The following SVIL variants were observed in gnomAD, a reference collection of about 807,000 sequenced individuals.
SVIL encodes supervillin.
SVIL carries 101 observed loss-of-function variants against 240.4 expected under a neutral mutation model. That is an observed-to-expected ratio of 0.42 (90% CI 0.36 to 0.50). SVIL has a LOEUF of 0.50. Among genes scored for constraint, SVIL ranks in the 20% least tolerant of loss-of-function variants. The probability of loss-of-function intolerance (pLI) is 0.01; values close to 1 mark genes in which losing one functional copy is unlikely to be tolerated. For synonymous variants in SVIL, 999 were observed against 1,100.0 expected, an observed-to-expected ratio of 0.91 and a Z score of 1.82; for missense variants, 2,512 against 2,818.7, an observed-to-expected ratio of 0.89 and a Z score of 2.46.
chr10:29,555,046 C>G lies in SVIL; in HGVS notation c.8+5G>C, dbSNP rs763317728. 1.2e-6 allele frequency: 2 copies of G among 1,613,166 alleles called. No homozygotes were observed. The highest frequency in any genetic ancestry group is 1.7e-4 in the Middle Eastern group (1 of 6,048). On this transcript the variant is annotated splice_donor_5th_base_variant and intron_variant, in intron 4 of 37. Coordinates refer to ENST00000355867, the MANE Select transcript of SVIL (RefSeq NM_021738.3). ...ACTTCCTAACTCCCACTATAAAGAT[C>G]TTACCTTTTCATTTCTAAGAATTCT...
intron 3 of SVIL, among the ~76,000 whole-genome samples, chr10:29,645,910 G>A (rs1958639122): frequency 2.0e-5 from 3 of 152,182 alleles, no homozygotes; most frequent in African/African-American, 7.2e-5. Context: ...AAATAAATAA[G>A]CAAATACGTT....
At chr10:29,726,028 C>T (rs1461414930) in intron 1 of SVIL, among the ~76,000 whole-genome samples, 1 of 152,094 alleles carries the variant, frequency 6.6e-6, no homozygotes, top group Non-Finnish European at 1.5e-5. Flanking sequence ...CTTATGTGAT[C>T]CTCCCACTTC....
chr10:29,723,747 T>G (rs529085372), intron 1 of SVIL, among the ~76,000 whole-genome samples: 23 of 152,308 alleles, frequency 1.5e-4, no homozygotes, highest in African/African-American at 5.5e-4. Flanking sequence ...CTTTCCTTGT[T>G]TCTGCAACTC....
intron 2 of SVIL, among the ~76,000 whole-genome samples, chr10:29,671,625 C>T (rs558258126): frequency 6.6e-6 from 1 of 152,364 alleles, no homozygotes; most frequent in East Asian, 1.9e-4. Flanking sequence ...GTTTCTGCGT[C>T]TTTCCAGAAG....
intron 2 of SVIL, among the ~76,000 whole-genome samples, chr10:29,661,037 C>T (rs1959144338): frequency 6.6e-6 from 1 of 151,994 alleles, no homozygotes; most frequent in Non-Finnish European, 1.5e-5. Flanking sequence ...TGTGGTGGCA[C>T]ATGCCTGTAG....
Position 29,550,708 on chromosome 10 carries a change from AAGG to A in SVIL, c.713_715del (p.Ser238del). 6.2e-7 allele frequency: 1 copy of A among 1,614,122 alleles called. No homozygotes were observed. Among genetic ancestry groups the A allele is most frequent in the Non-Finnish European group, 8.5e-7 (1 of 1,180,024 alleles). On this transcript the variant is annotated inframe_deletion, in exon 6 of 38. Coordinates refer to ENST00000355867, the MANE Select transcript of SVIL (RefSeq NM_021738.3). ...CTTGGGGGACCGTGGCACTTCAGTG[AAGG>A]AGGAGTCTCGCCCAGAGAAAGAGAA...
At chr10:29,700,392 G>A (rs538622417) in intron 1 of SVIL, among the ~76,000 whole-genome samples, 1 of 151,016 alleles carries the variant, frequency 6.6e-6, no homozygotes, top group South Asian at 2.1e-4. Flanking sequence ...ATGTCACACA[G>A]GAAAAATTTT....
intron 1 of SVIL, among the ~76,000 whole-genome samples, chr10:29,688,710 T>C (rs4749480): frequency 0.11 from 16,621 of 152,062 alleles, 1,090 homozygotes; most frequent in Admixed American, 0.2. Context: ...CAAAAAAACA[T>C]AAAAAAATCT....
At chr10:29,481,542 C>A in intron 28 of SVIL, 42 bp downstream of exon 28, 5 of 1,610,788 alleles carry the variant, frequency 3.1e-6, no homozygotes, top group Non-Finnish European at 4.2e-6. Context: ...TTATTGGGAC[C>A]CGAACCAAGC....
intron 2 of SVIL, among the ~76,000 whole-genome samples, chr10:29,665,849 ATGTT>A: frequency 6.6e-6 from 1 of 152,278 alleles, no homozygotes; most frequent in South Asian, 2.1e-4. Flanking sequence ...TATGCAAACT[ATGTT>A]TGGTAAGACA....
intron 1 of SVIL, among the ~76,000 whole-genome samples, chr10:29,623,576 C>T (rs760357391): frequency 3.0e-4 from 45 of 152,142 alleles, no homozygotes; most frequent in Non-Finnish European, 5.0e-4. Context: ...GCCAGGCAGG[C>T]GCGGAGGCTC....
rs527283458 is a variant in SVIL, at chr10:29,521,606, T to A, written c.3389+804A>T. Among the ~76,000 whole-genome samples the A allele has an allele frequency of 1.1e-4, 16 of 152,326 alleles. No individual in the cohort carries two copies. In the South Asian group the frequency reaches 3.3e-3, roughly 32 times the overall value. On this transcript the variant is annotated intron_variant, in intron 16 of 37. Coordinates refer to ENST00000355867, the MANE Select transcript of SVIL (RefSeq NM_021738.3). ...GCCTCTATTTAGAATGTCCATCACC[T>A]CAGTACAATACGTTTTTATTTAGTC... is the stretch of plus-strand genomic sequence containing the variant.
At chr10:29,498,174 T>C (rs1359165672) in intron 18 of SVIL, among the ~76,000 whole-genome samples, 1 of 150,572 alleles carries the variant, frequency 6.6e-6, no homozygotes, top group Non-Finnish European at 1.5e-5. Context: ...TCCCAGCACT[T>C]TGGGAGGTCG....
chr10:29,634,740 G>T lies in SVIL; in HGVS notation c.-521C>A, dbSNP rs995274188. ...AATTTAGAATGGTGTTTTCCAAAAG[G>T]CTTTTTGGATGTCAAATTCAGGAAA... On this transcript the variant is annotated 5_prime_UTR_variant, in exon 1 of 38. Coordinates refer to ENST00000355867, the MANE Select transcript of SVIL (RefSeq NM_021738.3). 2.0e-5 allele frequency: 3 copies of T among 152,170 alleles called. No individual in the cohort carries two copies. The highest frequency in any genetic ancestry group is 7.2e-5 in the African/African-American group (3 of 41,438). 9.4% of individuals were successfully genotyped at this position (152,170 alleles called of 1,614,324 possible).
intron 1 of SVIL, among the ~76,000 whole-genome samples, chr10:29,591,502 C>T (rs527537671): frequency 3.2e-4 from 49 of 152,280 alleles, no homozygotes; most frequent in African/African-American, 1.2e-3. Flanking sequence ...AAAGTAATAG[C>T]TCTCTCTATA....
At chr10:29,528,336 A>G (rs1951087520) in intron 12 of SVIL, among the ~76,000 whole-genome samples, 1 of 152,194 alleles carries the variant, frequency 6.6e-6, no homozygotes, top group African/African-American at 2.4e-5. Flanking sequence ...GGGCACTGAC[A>G]TAGAGGCCTT....
At chr10:29,497,344 G>A (rs1948523514) in intron 18 of SVIL, among the ~76,000 whole-genome samples, 2 of 152,122 alleles carry the variant, frequency 1.3e-5, no homozygotes, top group African/African-American at 4.8e-5. Context: ...CACTATGATG[G>A]GAAATCTGCT....
intron 2 of SVIL, chr10:29,686,543 C>T (rs1030810049): frequency 1.3e-5 from 2 of 152,188 alleles, no homozygotes; most frequent in African/African-American, 4.8e-5. Context: ...CCGAAATCAT[C>T]AATAATTACC....
In SVIL at chr10:29,628,801, T is replaced by A. The variant is rs188639075; in HGVS notation, c.-201+5619A>T. The stretch of plus-strand genomic sequence containing the variant: ...TATAAAGAGGAACACCAGGATTTTT[T>A]AAAAAATCTTAAATGGACCTTAAGA... On this transcript the variant is annotated intron_variant, in intron 1 of 37. Transcript: ENST00000355867. Among the ~76,000 whole-genome samples the A allele has an allele frequency of 2.8e-3, 430 of 152,234 alleles. 1 individual carries two copies. The highest frequency in any genetic ancestry group is 8.5e-3 in the African/African-American group (352 of 41,530).
Sources: allele counts gnomAD v4.1 joint callset (sites outside exome capture counted in the v4.1 genomes callset), GRCh38; gene constraint gnomAD v4.1.1; transcripts MANE v1.5; gene names NCBI Gene and HGNC (gene_info 2026-07-23, HGNC 2026-07-21).